NOD2: variants seen among roughly 807,000 people sequenced by gnomAD.
NOD2 encodes nucleotide binding oligomerization domain containing 2.
Under a neutral mutation model 90.9 loss-of-function variants are expected in NOD2, and 86 were observed. The ratio of observed to expected loss-of-function variants is 0.95; its 90% CI spans 0.79 to 1.13. The LOEUF (loss-of-function observed/expected upper bound fraction) is 1.13. Among genes scored for constraint, NOD2 ranks in the 50% most tolerant of loss-of-function variants. The probability of loss-of-function intolerance (pLI) is 0.00; values close to 1 mark genes in which losing one functional copy is unlikely to be tolerated. For synonymous variants in NOD2, 581 were observed against 554.6 expected (o/e 1.05, Z -0.67); for missense variants, 1,238 against 1,283.8 (o/e 0.96, Z 0.55).
intron 2 of NOD2, among the ~76,000 whole-genome samples, chr16:50,702,531 C>A (rs1963989559): frequency 6.6e-6 from 1 of 152,220 alleles, no homozygotes; most frequent in Non-Finnish European, 1.5e-5. Flanking sequence ...ACCAACATGT[C>A]TTCCCAAATG....
intron 1 of NOD2, among the ~76,000 whole-genome samples, chr16:50,695,198 C>G (rs373875308): frequency 1.3e-5 from 2 of 151,750 alleles, no homozygotes; most frequent in African/African-American, 2.4e-5. Context: ...GCCCGTTGAG[C>G]GGATCATTGC....
intron 4 of NOD2, among the ~76,000 whole-genome samples, chr16:50,715,929 G>C (rs1014095819): frequency 6.6e-6 from 1 of 152,158 alleles, no homozygotes; most frequent in Non-Finnish European, 1.5e-5. Flanking sequence ...CCAGCTCCAG[G>C]GTATGGGCCT....
intron 9 of NOD2, among the ~76,000 whole-genome samples, chr16:50,724,826 CT>C (rs1422638892): frequency 1.3e-5 from 2 of 152,134 alleles, no homozygotes; most frequent in African/African-American, 4.8e-5. Flanking sequence ...TTATTTTTTC[CT>C]GTATAGGCAG....
At position 50,721,187 on chromosome 16, in the gene NOD2, G is replaced by A. The variant is rs534573927; in HGVS notation, c.2633+1179G>A. ...TCCACACTGCATTAGTAGCAACAGA[G>A]TCTAGAACAAAGGAGGCCACAGCCC... is the stretch of plus-strand genomic sequence containing the variant. On this transcript the variant is annotated intron_variant, in intron 7 of 11. Coordinates refer to ENST00000647318, the MANE Select transcript of NOD2 (RefSeq NM_001370466.1). Among the ~76,000 whole-genome samples the A allele has an allele frequency of 2.0e-5, 3 of 151,988 alleles. No individual in the cohort carries two copies. The South Asian group carries it at 6.2e-4, about 32-fold the overall frequency.
chr16:50,720,134 C>A (rs1269613409), intron 7 of NOD2, 126 bp downstream of exon 7: 3 of 798,756 alleles, frequency 3.8e-6, no homozygotes, highest in Non-Finnish European at 6.2e-6. Context: ...GGAGGACAAG[C>A]CAGGGAGAGA....
chr16:50,714,384 G>T (rs551601324), intron 4 of NOD2, among the ~76,000 whole-genome samples: 1 of 152,270 alleles, frequency 6.6e-6, no homozygotes, highest in South Asian at 2.1e-4. Flanking sequence ...AGTAGGTTTG[G>T]GGTGGGGCCC....
rs1463239348 is a variant in NOD2, at chr16:50,711,759, A to T, written c.1767A>T (p.Ala589=). Residue 589 remains alanine (A), a synonymous_variant, in exon 4 of 12, where the codon GCA becomes GCT. Coordinates refer to ENST00000647318, the MANE Select transcript of NOD2 (RefSeq NM_001370466.1). ...FQCFFAAFYL[A]LSADVPPALL... is the part of the protein sequence containing the mutation. The stretch of plus-strand genomic sequence containing the variant: ...GCTTCTTTGCCGCGTTCTACCTGGC[A>T]CTCAGTGCTGATGTGCCACCAGCTT... The T allele has an allele frequency of 6.2e-7, 1 of 1,614,168 alleles. No homozygotes were observed. The highest frequency in any genetic ancestry group is 1.3e-5 in the African/African-American group (1 of 75,050).
At chr16:50,714,956 A>G (rs375381162) in intron 4 of NOD2, among the ~76,000 whole-genome samples, 1 of 152,190 alleles carries the variant, frequency 6.6e-6, no homozygotes, top group African/African-American at 2.4e-5. Flanking sequence ...ACTTCGCTTT[A>G]TGAACTCTGA....
In NOD2 at chr16:50,722,583, C is replaced by T. The variant is rs769623506; in HGVS notation, c.2634-39C>T. On this transcript the variant is annotated intron_variant, in intron 7 of 11. Coordinates refer to ENST00000647318, the MANE Select transcript of NOD2 (RefSeq NM_001370466.1). Reference sequence around the variant, plus strand: ...TCATGTCTAGAACACATATCAGGTACTCACTGACACTGTCTGTTGACTCTT... The same window carrying T: ...TCATGTCTAGAACACATATCAGGTATTCACTGACACTGTCTGTTGACTCTT... 3 of 1,568,810 alleles carry T rather than the reference C, an allele frequency of 1.9e-6. No individual in the cohort carries two copies. In the East Asian group the frequency reaches 6.7e-5, roughly 35 times the overall value.
chr16:50,709,871 C>G, intron 3 of NOD2: 1 of 445,174 alleles, frequency 2.2e-6, no homozygotes, highest in Middle Eastern at 3.3e-4. Flanking sequence ...GTCAGATATT[C>G]TTTTAAACTG....
chr16:50,706,902 T>C (rs1964219938), intron 2 of NOD2, among the ~76,000 whole-genome samples: 1 of 152,086 alleles, frequency 6.6e-6, no homozygotes, highest in Admixed American at 6.5e-5. Flanking sequence ...TTCACCATGT[T>C]GTCCAGGCTG....
Position 50,732,068 on chromosome 16 carries a change from A to T in NOD2, c.*249A>T. 1 of 521,308 alleles carries T rather than the reference A, an allele frequency of 1.9e-6. No individual in the cohort carries two copies. The highest frequency in any genetic ancestry group is 1.9e-5 in the South Asian group (1 of 51,814). 32.3% of individuals were successfully genotyped at this position (521,308 alleles called of 1,614,324 possible). ...CTTCTTCCCAAGATTCAATCCCAGG[A>T]TGTACAAGGACAGCCCCTCCTCCAT... On this transcript the variant is annotated 3_prime_UTR_variant, in exon 12 of 12. Transcript: ENST00000647318.
intron 6 of NOD2, 116 bp from the exon 7 acceptor site, chr16:50,719,809 G>T: frequency 1.1e-6 from 1 of 904,988 alleles, no homozygotes; most frequent in Non-Finnish European, 1.9e-6. Flanking sequence ...TGTGGCTGCT[G>T]CCTCCCGGGC....
intron 6 of NOD2, among the ~76,000 whole-genome samples, chr16:50,719,204 T>C (rs915055357): frequency 2.0e-5 from 3 of 152,182 alleles, no homozygotes; most frequent in Non-Finnish European, 4.4e-5. Context: ...CGAGTTCTCC[T>C]AGCTGCCACA....
chr16:50,723,491 G>C (rs1965160780), intron 9 of NOD2, 107 bp downstream of exon 9: 5 of 947,996 alleles, frequency 5.3e-6, no homozygotes, highest in Non-Finnish European at 8.4e-6. Context: ...GTGGATGATT[G>C]AGTGATTGAC....
intron 7 of NOD2, 150 bp downstream of exon 7, chr16:50,720,158 G>A: frequency 1.5e-6 from 1 of 673,808 alleles, no homozygotes; most frequent in East Asian, 2.7e-5. Context: ...GGCGGCCCTT[G>A]ACTGCCACCT....
At chr16:50,706,629 A>T (rs1964204572) in intron 2 of NOD2, among the ~76,000 whole-genome samples, 1 of 152,198 alleles carries the variant, frequency 6.6e-6, no homozygotes, top group African/African-American at 2.4e-5. Context: ...TTCCATAAGC[A>T]CATAATACAC....
At chr16:50,717,976 C>T (rs1244527167) in intron 6 of NOD2, among the ~76,000 whole-genome samples, 2 of 152,214 alleles carry the variant, frequency 1.3e-5, no homozygotes, top group Non-Finnish European at 2.9e-5. Context: ...ACCTACACAC[C>T]TGCAATAAAG....
intron 2 of NOD2, among the ~76,000 whole-genome samples, chr16:50,704,112 A>G (rs1474268736): frequency 6.6e-6 from 1 of 152,246 alleles, no homozygotes; most frequent in Non-Finnish European, 1.5e-5. Context: ...TCAAATATAG[A>G]TAAAGGTTAG....
Sources: gnomAD v4.1 joint callset for allele counts (sites outside exome capture counted in the v4.1 genomes callset) on GRCh38, gnomAD v4.1.1 for gene constraint, MANE v1.5 for transcripts, NCBI Gene and HGNC (gene_info 2026-07-23, HGNC 2026-07-21) for gene names.